TLK1: variants seen among roughly 807,000 people sequenced by gnomAD.
TLK1 encodes the protein serine/threonine-protein kinase tousled-like 1.
A neutral mutation model predicts 105.3 loss-of-function variants in TLK1; 24 were observed. The observed-to-expected ratio is 0.23, with a 90% CI of 0.17 to 0.32. The LOEUF (loss-of-function observed/expected upper bound fraction) is 0.32. Among genes scored for constraint, TLK1 ranks in the 10% least tolerant of loss-of-function variants. TLK1 has a pLI of 1.00. For synonymous variants in TLK1, 321 were observed against 310.4 expected (o/e 1.03, Z -0.36); for missense variants, 558 against 910.5 (o/e 0.61, Z 4.98).
chr2:171,081,692 C>T lies in TLK1; in HGVS notation c.330+1089G>A, dbSNP rs779561082. 1.2e-5 allele frequency: 15 copies of T among 1,304,162 alleles called. No homozygotes were observed. In the South Asian group the frequency reaches 1.9e-4, roughly 16 times the overall value. 80.8% of individuals were successfully genotyped at this position (1,304,162 alleles called of 1,614,324 possible). On this transcript the variant is annotated intron_variant, in intron 3 of 20. Transcript: ENST00000431350. ...CCCGTCACTTGCACAGTCCTTTCAG[C>T]TGCCTGCCAGTTGTTTCTGTGGAAG...
intron 1 of TLK1, among the ~76,000 whole-genome samples, chr2:171,166,978 A>G (rs1422158557): frequency 1.3e-5 from 2 of 152,230 alleles, no homozygotes; most frequent in Non-Finnish European, 2.9e-5. Context: ...CAAATATTCA[A>G]AATCATTCAA....
chr2:171,072,789 T>G (rs1462638335), intron 3 of TLK1, among the ~76,000 whole-genome samples: 1 of 150,776 alleles, frequency 6.6e-6, no homozygotes, highest in Non-Finnish European at 1.5e-5. Context: ...AAATGTTGGG[T>G]GCAGTGGTTC....
chr2:171,127,484 C>T (rs1232088829), intron 1 of TLK1, among the ~76,000 whole-genome samples: 2 of 151,818 alleles, frequency 1.3e-5, no homozygotes, highest in East Asian at 3.9e-4. Flanking sequence ...AGTTTGATTC[C>T]CTACTTTAAA....
intron 1 of TLK1, among the ~76,000 whole-genome samples, chr2:171,153,538 GA>G (rs1558971411): frequency 6.6e-6 from 1 of 152,108 alleles, no homozygotes; most frequent in East Asian, 1.9e-4. Flanking sequence ...CTGAAAATAC[GA>G]AAATGAACAA....
intron 2 of TLK1, among the ~76,000 whole-genome samples, chr2:171,105,884 T>C (rs939588276): frequency 2.6e-5 from 4 of 152,190 alleles, no homozygotes; most frequent in Non-Finnish European, 5.9e-5. Flanking sequence ...GAAATCAGTA[T>C]GCTGAAGAGA....
chr2:171,212,957 A>G (rs958895441), intron 1 of TLK1, among the ~76,000 whole-genome samples: 3 of 152,078 alleles, frequency 2.0e-5, no homozygotes, highest in Non-Finnish European at 4.4e-5. Flanking sequence ...TCCTAATTTC[A>G]TATCTGATCT....
At chr2:171,170,294 A>C (rs1439787370) in intron 1 of TLK1, among the ~76,000 whole-genome samples, 2 of 152,266 alleles carry the variant, frequency 1.3e-5, no homozygotes, top group Admixed American at 1.3e-4. Flanking sequence ...TTCAAAGCTT[A>C]AAGGTTATTT....
chr2:170,998,756 A>C (rs1323412884), intron 18 of TLK1, among the ~76,000 whole-genome samples: 1 of 152,228 alleles, frequency 6.6e-6, no homozygotes, highest in Non-Finnish European at 1.5e-5. Flanking sequence ...AAAAATATGT[A>C]AGTCCTATTT....
At chr2:171,071,488 T>G (rs373834286) in intron 3 of TLK1, among the ~76,000 whole-genome samples, 1 of 152,162 alleles carries the variant, frequency 6.6e-6, no homozygotes, top group African/African-American at 2.4e-5. Flanking sequence ...GGGGTTTCAC[T>G]GTGTTAGCCA....
At chr2:170,997,878 A>C in intron 18 of TLK1, 55 bp from the exon 19 acceptor site, 1 of 1,085,238 alleles carries the variant, frequency 9.2e-7, no homozygotes, top group Non-Finnish European at 1.3e-6. Flanking sequence ...GTAACTTAAA[A>C]TCTTCTAAGT....
At chr2:171,185,198 C>G (rs986859439) in intron 1 of TLK1, among the ~76,000 whole-genome samples, 2 of 152,106 alleles carry the variant, frequency 1.3e-5, no homozygotes, top group Admixed American at 1.3e-4. Context: ...TCATCCCTCT[C>G]CATTTAATCC....
chr2:171,079,788 G>A (rs1293942865), intron 3 of TLK1, among the ~76,000 whole-genome samples: 2 of 152,086 alleles, frequency 1.3e-5, no homozygotes, highest in African/African-American at 4.8e-5. Context: ...AGTTTTAATA[G>A]TAAGGGTAGA....
At chr2:171,021,990 C>A (rs375406965) in intron 12 of TLK1, among the ~76,000 whole-genome samples, 1 of 151,770 alleles carries the variant, frequency 6.6e-6, no homozygotes, top group African/African-American at 2.4e-5. Flanking sequence ...GTAATCCCAG[C>A]TACTCAGGAG....
Position 171,054,815 on chromosome 2 carries a change from A to G in TLK1, c.639+268T>C, listed in dbSNP as rs1014075460. On this transcript the variant is annotated intron_variant, in intron 7 of 20. Transcript: ENST00000431350. ...AATACAGCAGTTTCACAAAATATCA[A>G]TTACATATACTTGGAAATTAAGTTC... 7 of 236,108 alleles carry G rather than the reference A, an allele frequency of 3.0e-5. No homozygotes were observed. The South Asian group carries it at 8.7e-4, about 29-fold the overall frequency. 14.6% of individuals were successfully genotyped at this position (236,108 alleles called of 1,614,324 possible). A position where few individuals can be genotyped will look rare whatever the true frequency, so the allele number is the denominator to read the frequency against.
At chr2:171,034,457 A>G (rs1197068654) in intron 11 of TLK1, among the ~76,000 whole-genome samples, 1 of 152,252 alleles carries the variant, frequency 6.6e-6, no homozygotes. Context: ...ATATTTTGAA[A>G]ACTTATACTA....
At chr2:171,113,900 T>C (rs1690293544) in intron 2 of TLK1, among the ~76,000 whole-genome samples, 2 of 152,232 alleles carry the variant, frequency 1.3e-5, no homozygotes, top group Admixed American at 1.3e-4. Context: ...TTCTAGTTTT[T>C]GAATTTCTTG....
At chr2:171,009,295 T>G (rs1296567497) in intron 14 of TLK1, among the ~76,000 whole-genome samples, 21 of 77,150 alleles carry the variant, frequency 2.7e-4, no homozygotes, top group Non-Finnish European at 7.3e-4. Flanking sequence ...CTTTTCCTTT[T>G]TTTTTTTTTT....
intron 3 of TLK1, among the ~76,000 whole-genome samples, chr2:171,066,054 C>T (rs1206035753): frequency 2.0e-5 from 3 of 152,166 alleles, no homozygotes; most frequent in Non-Finnish European, 2.9e-5. Context: ...GAAATATGCA[C>T]ATCCGAATTC....
intron 1 of TLK1, among the ~76,000 whole-genome samples, chr2:171,142,362 A>C (rs1691612707): frequency 1.3e-5 from 2 of 152,234 alleles, no homozygotes; most frequent in African/African-American, 2.4e-5. Flanking sequence ...AAACATGGTC[A>C]AACTAGTTTA....
Sources: gnomAD v4.1 joint callset for allele counts (sites outside exome capture counted in the v4.1 genomes callset) on GRCh38, gnomAD v4.1.1 for gene constraint, MANE v1.5 for transcripts, NCBI Gene and HGNC (gene_info 2026-07-23, HGNC 2026-07-21) for gene names.